SREBF2: variants seen among roughly 807,000 people sequenced by gnomAD.
The protein encoded by SREBF2 is sterol regulatory element binding transcription factor 2.
In SREBF2, 55 loss-of-function variants were observed where a neutral mutation model predicts 113.1. That is an observed-to-expected ratio of 0.49 (90% CI 0.39 to 0.61). The LOEUF (loss-of-function observed/expected upper bound fraction) is 0.61. Among genes scored for constraint, SREBF2 ranks in the 20% least tolerant of loss-of-function variants. The pLI is 0.00. For synonymous variants in SREBF2, 593 were observed against 605.7 expected (o/e 0.98, Z 0.31); for missense variants, 1,349 against 1,487.4 (o/e 0.91, Z 1.53).
chr22:41,905,322 G>A, intron 18 of SREBF2, 118 bp from the exon 19 acceptor site: 1 of 1,021,530 alleles, frequency 9.8e-7, no homozygotes, highest in Non-Finnish European at 1.5e-6. Flanking sequence ...GGGTGGGGCA[G>A]CAGACCCCAC....
chr22:41,857,752 A>G (rs2076991017), intron 1 of SREBF2, among the ~76,000 whole-genome samples: 1 of 152,180 alleles, frequency 6.6e-6, no homozygotes, highest in Middle Eastern at 3.2e-3. Flanking sequence ...CTTGAAGGAC[A>G]TGATACCGTC....
intron 11 of SREBF2, among the ~76,000 whole-genome samples, chr22:41,889,425 C>A (rs557705285): frequency 3.9e-5 from 6 of 152,264 alleles, no homozygotes; most frequent in South Asian, 2.1e-4. Context: ...CCGCGCCTGG[C>A]CTCTGTTAAG....
chr22:41,867,737 G>T (rs1214109863), intron 2 of SREBF2, among the ~76,000 whole-genome samples: 3 of 152,064 alleles, frequency 2.0e-5, no homozygotes, highest in African/African-American at 7.2e-5. Context: ...AACCCGGGAG[G>T]CAGAGCTTGC....
chr22:41,900,565 C>A lies in SREBF2; in HGVS notation c.2907+67C>A, dbSNP rs2077457113. ...ACTGGTTTACGAGAACACTCCCACT[C>A]ACCTCATGCTGACCCTGCGGGTGGG... On this transcript the variant is annotated intron_variant, in intron 16 of 18. Coordinates refer to ENST00000361204, the MANE Select transcript of SREBF2 (RefSeq NM_004599.4). The A allele has an allele frequency of 7.3e-6, 11 of 1,517,204 alleles. No homozygotes were observed. In the South Asian group the frequency reaches 1.3e-4, roughly 18 times the overall value. The allele number at this position is 1,517,204 out of a possible 1,614,324, so 94.0% of individuals were successfully genotyped here. A position where few individuals can be genotyped will look rare whatever the true frequency, so the allele number is the denominator to read the frequency against.
chr22:41,878,834 T>A, intron 9 of SREBF2: 1 of 982,148 alleles, frequency 1.0e-6, no homozygotes. Context: ...CCATCCTGGA[T>A]CTGTCAGCCT....
chr22:41,884,800 T>C (rs1330166135), intron 10 of SREBF2, 42 bp from the exon 11 acceptor site: 2 of 1,613,118 alleles, frequency 1.2e-6, no homozygotes, highest in Non-Finnish European at 1.7e-6. Context: ...AGTTTGGTTT[T>C]GGGGCTCCAT....
At chr22:41,872,192 G>T (rs1013857687) in intron 4 of SREBF2, among the ~76,000 whole-genome samples, 3 of 150,828 alleles carry the variant, frequency 2.0e-5, no homozygotes, top group African/African-American at 7.4e-5. Context: ...GGAGCTTGCA[G>T]TGAGCCAAGA....
intron 9 of SREBF2, chr22:41,878,781 C>T: frequency 7.8e-7 from 1 of 1,284,164 alleles, no homozygotes; most frequent in Non-Finnish European, 1.0e-6. Flanking sequence ...CCTGCCCTCC[C>T]CACCTCTGCA....
intron 1 of SREBF2, among the ~76,000 whole-genome samples, chr22:41,840,429 A>G (rs1036779248): frequency 1.2e-4 from 17 of 144,894 alleles, no homozygotes; most frequent in African/African-American, 3.4e-4. Context: ...CTTGGGGGCA[A>G]TGTTGAAGCT....
At position 41,868,722 on chromosome 22, in the gene SREBF2, A is replaced by G. The variant is rs199832308; in HGVS notation, c.650A>G (p.Asn217Ser). 15 of 1,614,208 alleles carry G rather than the reference A, an allele frequency of 9.3e-6. 1 individual carries two copies. Among genetic ancestry groups the G allele is most frequent in the African/African-American group, 4.0e-5 (3 of 75,050 alleles). The change falls in exon 3 of 19, where the codon AAT becomes AGT. Residue 217 changes from asparagine (N) to serine (S), a missense_variant. Physicochemically the swap from Asn to Ser is conservative, Grantham distance 46. Around this residue, in one of 2 missense-constraint regions of SREBF2, gnomAD observed 699 missense variants for 843.3 expected, o/e 0.83. Transcript: ENST00000361204. ...QAQRVLTQTA[N>S]GTLQTLAPAT... is the part of the protein sequence containing the mutation. ...CAGCGGGTGCTGACACAAACGGCCA[A>G]TGGCACGCTGCAGACCCTTGCCCCG...
At chr22:41,899,100 A>C (rs1362551514) in intron 15 of SREBF2, 1 of 704,344 alleles carries the variant, frequency 1.4e-6, no homozygotes, top group African/African-American at 1.9e-5. Context: ...GGCCCCCAGC[A>C]TCTTCAGAAG....
At chr22:41,904,058 A>G (rs6002529) in intron 17 of SREBF2, among the ~76,000 whole-genome samples, 11,032 of 152,172 alleles carry the variant, frequency 0.072, 1,296 homozygotes, top group African/African-American at 0.25. Flanking sequence ...CCTTTTTTTC[A>G]TAATAGATGG....
At chr22:41,899,683 A>T in intron 15 of SREBF2, 1 of 620,112 alleles carries the variant, frequency 1.6e-6, no homozygotes, top group Non-Finnish European at 2.0e-6. Flanking sequence ...TTCCACCTGT[A>T]TGTGTGTCTC....
chr22:41,870,352 C>T (rs2077128048), intron 3 of SREBF2, among the ~76,000 whole-genome samples: 2 of 152,108 alleles, frequency 1.3e-5, no homozygotes, highest in Admixed American at 1.3e-4. Context: ...GGCTGAGCAC[C>T]ATGGCTCACG....
In SREBF2 at chr22:41,833,863, G is replaced by A. The variant is rs9607849; in HGVS notation, c.88+505G>A. On this transcript the variant is annotated intron_variant, in intron 1 of 18. Coordinates refer to ENST00000361204, the MANE Select transcript of SREBF2 (RefSeq NM_004599.4). The surrounding 1 kb of genome is among the most constrained non-coding windows in gnomAD (Gnocchi z 4.1). ...GATTGACCGACGGCCAGGTCGCCGG[G>A]TGCTCCGCGAAACTTTGGGCAGCGA... 7.1e-3 allele frequency: 1,094 copies of A among 153,614 alleles called. 6 individuals carry two copies. The highest frequency in any genetic ancestry group is 0.012 in the Non-Finnish European group (813 of 68,632). The allele number at this position is 153,614 out of a possible 1,614,324, so 9.5% of individuals were successfully genotyped here.
Position 41,870,894 on chromosome 22 carries a change from G to C in SREBF2, c.726G>C (p.Leu242=). The part of the protein sequence containing the change: ...AAPQVQQVPV[L]VQPQIIKTDS... ...TTTCTTCCTTCTTCATCCAGGTCCT[G>C]GTCCAGCCTCAGATCATCAAGACAG... is the stretch of plus-strand genomic sequence containing the variant. Residue 242 remains leucine (L), a synonymous_variant, in exon 4 of 19, where the codon CTG becomes CTC. Coordinates refer to ENST00000361204, the MANE Select transcript of SREBF2 (RefSeq NM_004599.4). 1.2e-6 allele frequency: 2 copies of C among 1,614,118 alleles called. No individual in the cohort carries two copies. The highest frequency in any genetic ancestry group is 4.5e-5 in the East Asian group (2 of 44,884).
chr22:41,866,698 G>T, intron 1 of SREBF2, 133 bp from the exon 2 acceptor site: 2 of 1,045,464 alleles, frequency 1.9e-6, no homozygotes, highest in Non-Finnish European at 3.0e-6. Flanking sequence ...CAAGAAAGAG[G>T]TAAGGGTTTC....
chr22:41,897,066 C>G lies in SREBF2; in HGVS notation c.2510C>G (p.Ala837Gly), dbSNP rs140292172. 1.7e-5 allele frequency: 27 copies of G among 1,612,458 alleles called. No homozygotes were observed. The highest frequency in any genetic ancestry group is 2.3e-5 in the Non-Finnish European group (27 of 1,179,244). ...TTTCTTCCTAGTGAATTCTCCAGTG[C>G]TCTGGAGTACTTGAAATTACTTCAT... is the stretch of plus-strand genomic sequence containing the variant. ...QEEESCEFSS[A>G]LEYLKLLHSF... Residue 837 changes from alanine to glycine, a missense_variant, in exon 14 of 19, where the codon GCT becomes GGT. Around this residue, in one of 2 missense-constraint regions of SREBF2, gnomAD observed 650 missense variants for 644.1 expected, o/e 1.01. Transcript: ENST00000361204.
chr22:41,880,542 A>G (rs1162188921), intron 9 of SREBF2, among the ~76,000 whole-genome samples, 174 bp from the exon 10 acceptor site: 1 of 152,032 alleles, frequency 6.6e-6, no homozygotes, highest in Non-Finnish European at 1.5e-5. Context: ...TTCCTGGGGG[A>G]TGAGATTATA....
Sources: gnomAD v4.1 joint callset for allele counts (sites outside exome capture counted in the v4.1 genomes callset) on GRCh38, gnomAD v4.1.1 for gene constraint, gnomAD v4.1.1 regional missense constraint, Gnocchi (gnomAD v3.1) non-coding constraint, MANE v1.5 for transcripts, NCBI Gene and HGNC (gene_info 2026-07-23, HGNC 2026-07-21) for gene names.